ANKRD6: variants seen among roughly 807,000 people sequenced by gnomAD.
The protein encoded by ANKRD6 is ankyrin repeat domain-containing protein 6.
Under a neutral mutation model 82.3 loss-of-function variants are expected in ANKRD6, and 56 were observed. That is an observed-to-expected ratio of 0.68 (90% confidence interval 0.55 to 0.85). The LOEUF (loss-of-function observed/expected upper bound fraction) is 0.85, where lower values mean the gene tolerates loss of function less well. Among genes scored for constraint, ANKRD6 ranks in the 40% least tolerant of loss-of-function variants. The probability of loss-of-function intolerance (pLI) is 0.00; values close to 1 mark genes in which losing one functional copy is unlikely to be tolerated. For synonymous variants in ANKRD6, 347 were observed against 352.1 expected (o/e 0.99, Z 0.16); for missense variants, 852 against 907.6 (o/e 0.94, Z 0.79).
intron 10 of ANKRD6, 79 bp from the exon 11 acceptor site, chr6:89,623,331 G>A: frequency 6.6e-7 from 1 of 1,505,114 alleles, no homozygotes; most frequent in Non-Finnish European, 8.9e-7. Flanking sequence ...ATGGAATCTT[G>A]CAAAGAATAT....
intron 1 of ANKRD6, among the ~76,000 whole-genome samples, chr6:89,539,887 C>T (rs904288752): frequency 6.6e-6 from 1 of 151,346 alleles, no homozygotes; most frequent in Admixed American, 6.6e-5. Flanking sequence ...AAAAAAAAAC[C>T]AGATGTTTTT....
intron 1 of ANKRD6, among the ~76,000 whole-genome samples, chr6:89,502,018 A>T (rs1779325656): frequency 6.6e-6 from 1 of 152,172 alleles, no homozygotes; most frequent in Non-Finnish European, 1.5e-5. Flanking sequence ...GATGATTAAC[A>T]CTTTCACCTA....
intron 1 of ANKRD6, among the ~76,000 whole-genome samples, chr6:89,531,359 C>T (rs1413368504): frequency 6.6e-6 from 1 of 152,200 alleles, no homozygotes; most frequent in African/African-American, 2.4e-5. Flanking sequence ...CAAGTACTTT[C>T]CTTGAAGGAA....
chr6:89,549,727 C>T (rs1394538300), intron 1 of ANKRD6, among the ~76,000 whole-genome samples: 1 of 151,980 alleles, frequency 6.6e-6, no homozygotes, highest in South Asian at 2.1e-4. Flanking sequence ...GAGGAACAGA[C>T]AGAAGCCCAG....
At chr6:89,517,883 C>T (rs1250768204) in intron 1 of ANKRD6, among the ~76,000 whole-genome samples, 1 of 152,188 alleles carries the variant, frequency 6.6e-6, no homozygotes, top group Non-Finnish European at 1.5e-5. Context: ...CCAGTCATAG[C>T]CCCTGTGGCA....
chr6:89,601,618 G>A (rs556281063), intron 3 of ANKRD6: 127 of 152,230 alleles, frequency 8.3e-4, no homozygotes, highest in African/African-American at 2.9e-3. Context: ...TTTTAACTAG[G>A]ATTTTTTATT....
At chr6:89,575,863 C>A (rs940191710) in intron 2 of ANKRD6, among the ~76,000 whole-genome samples, 22 of 152,140 alleles carry the variant, frequency 1.4e-4, no homozygotes, top group Admixed American at 6.5e-4. Flanking sequence ...AATTTTACTT[C>A]AACTCCTAGT....
intron 1 of ANKRD6, among the ~76,000 whole-genome samples, chr6:89,506,438 T>G (rs1350806865): frequency 1.3e-5 from 2 of 152,062 alleles, no homozygotes; most frequent in Non-Finnish European, 2.9e-5. Context: ...CTTCAGCCTC[T>G]CGAGTAGCTG....
chr6:89,566,638 C>T (rs1348896035), intron 1 of ANKRD6, among the ~76,000 whole-genome samples, 196 bp from the exon 2 acceptor site: 1 of 152,230 alleles, frequency 6.6e-6, no homozygotes, highest in Non-Finnish European at 1.5e-5. Flanking sequence ...GAAGTTGGCA[C>T]ATTCTGCTGC....
intron 1 of ANKRD6, among the ~76,000 whole-genome samples, chr6:89,557,466 G>A (rs929617459): frequency 4.6e-5 from 7 of 152,200 alleles, no homozygotes; most frequent in Non-Finnish European, 7.3e-5. Flanking sequence ...AACCAAGGAG[G>A]AGGAATTTTG....
In ANKRD6 at chr6:89,524,902, T is replaced by A. The variant is rs935218844; in HGVS notation, c.-143-41932T>A. Among the ~76,000 whole-genome samples the A allele has an allele frequency of 2.0e-5, 3 of 152,194 alleles. No individual in the cohort carries two copies. In the South Asian group the frequency reaches 6.2e-4, roughly 32 times the overall value. ...GCCAACATCTATTTTTTTTTTTTAATTTTTAAATTATGGCCATTCTTGCAG... is the reference window on the plus strand; with the variant it reads ...GCCAACATCTATTTTTTTTTTTTAAATTTTAAATTATGGCCATTCTTGCAG... On this transcript the variant is annotated intron_variant, in intron 1 of 15. Transcript: ENST00000339746.
chr6:89,607,727 C>T (rs1289405953), intron 5 of ANKRD6, among the ~76,000 whole-genome samples: 1 of 149,330 alleles, frequency 6.7e-6, no homozygotes, highest in Non-Finnish European at 1.5e-5. Flanking sequence ...ACACTGTCGG[C>T]TTATTGCAAC....
chr6:89,558,160 A>G (rs1030811488), intron 1 of ANKRD6, among the ~76,000 whole-genome samples: 18 of 152,182 alleles, frequency 1.2e-4, no homozygotes, highest in African/African-American at 4.3e-4. Flanking sequence ...GACAGTATAG[A>G]CATTTCTTAC....
intron 1 of ANKRD6, among the ~76,000 whole-genome samples, chr6:89,517,709 G>A (rs1276444092): frequency 6.6e-6 from 1 of 152,226 alleles, no homozygotes; most frequent in Admixed American, 6.5e-5. Flanking sequence ...TAACCCGTCA[G>A]TGGGGATACT....
chr6:89,563,187 G>C (rs978390763), intron 1 of ANKRD6, among the ~76,000 whole-genome samples: 2 of 152,272 alleles, frequency 1.3e-5, no homozygotes, highest in Admixed American at 1.3e-4. Flanking sequence ...ACCTTTTTCT[G>C]TAAAAAGAAA....
intron 1 of ANKRD6, among the ~76,000 whole-genome samples, chr6:89,504,670 A>G (rs907014067): frequency 2.0e-5 from 3 of 152,102 alleles, no homozygotes; most frequent in African/African-American, 7.2e-5. Flanking sequence ...CTCCCAAAGT[A>G]CTAGGATTAT....
chr6:89,592,790 A>C (rs968423965), intron 2 of ANKRD6, among the ~76,000 whole-genome samples: 1 of 152,150 alleles, frequency 6.6e-6, no homozygotes. Flanking sequence ...CTCTTGAGAC[A>C]CACACACAAA....
intron 11 of ANKRD6, 45 bp from the exon 12 acceptor site, chr6:89,623,827 C>A: frequency 1.3e-6 from 2 of 1,568,196 alleles, no homozygotes; most frequent in Non-Finnish European, 1.7e-6. Flanking sequence ...GTCAGTCTTG[C>A]AGAGGTCAAA....
Position 89,442,579 on chromosome 6 carries a change from G to A in ANKRD6, c.-144+9204G>A, listed in dbSNP as rs373696311. Among the ~76,000 whole-genome samples, 71 of 147,806 alleles carry A rather than the reference G, an allele frequency of 4.8e-4. 1 individual carries two copies. In the South Asian group the frequency reaches 0.014, roughly 29 times the overall value. ...TCGAGACTCCAGTGAGCCAAGACTG[G>A]CACCACTGCACTCCAACAGAGTGTC... is the stretch of plus-strand genomic sequence containing the variant. On this transcript the variant is annotated intron_variant, in intron 1 of 15. Transcript: ENST00000339746.
Sources: gnomAD v4.1 joint callset for allele counts (sites outside exome capture counted in the v4.1 genomes callset) on GRCh38, gnomAD v4.1.1 for gene constraint, MANE v1.5 for transcripts, NCBI Gene and HGNC (gene_info 2026-07-23, HGNC 2026-07-21) for gene names.